The following XKR6 variants were observed in gnomAD, a reference collection of about 807,000 sequenced individuals.
XKR6 encodes the protein XK-related protein 6.
A neutral mutation model predicts 56.7 loss-of-function variants in XKR6; 22 were observed. The ratio of observed to expected loss-of-function variants is 0.39; its 90% CI spans 0.28 to 0.55. The LOEUF (loss-of-function observed/expected upper bound fraction) is 0.55, where lower values mean the gene tolerates loss of function less well. Among genes scored for constraint, XKR6 ranks in the 20% least tolerant of loss-of-function variants. The probability of loss-of-function intolerance (pLI) is 0.66; values close to 1 mark genes in which losing one functional copy is unlikely to be tolerated. For synonymous variants in XKR6, 524 were observed against 387.8 expected, an observed-to-expected ratio of 1.35 and a Z score of -4.13; for missense variants, 852 against 889.0, an observed-to-expected ratio of 0.96 and a Z score of 0.53.
At chr8:11,174,288 C>A (rs576163303) in intron 1 of XKR6, among the ~76,000 whole-genome samples, 2 of 152,344 alleles carry the variant, frequency 1.3e-5, no homozygotes, top group South Asian at 2.1e-4. Flanking sequence ...CCTCTCTCTT[C>A]CAGATGGCAA....
At chr8:11,109,941 T>A (rs1360426277) in intron 1 of XKR6, among the ~76,000 whole-genome samples, 2 of 152,192 alleles carry the variant, frequency 1.3e-5, no homozygotes, top group Non-Finnish European at 2.9e-5. Context: ...TTAACGTGAC[T>A]TTTAAAAACC....
chr8:11,046,270 C>G (rs901382921), intron 1 of XKR6, among the ~76,000 whole-genome samples: 7 of 152,044 alleles, frequency 4.6e-5, no homozygotes, highest in Admixed American at 3.9e-4. Flanking sequence ...CATGGTGGCA[C>G]GTGCCTGTAA....
intron 1 of XKR6, chr8:11,124,940 T>A (rs1473589223): frequency 2.0e-3 from 284 of 145,480 alleles, no homozygotes; most frequent in African/African-American, 6.8e-3. Context: ...AAAAAAAAAA[T>A]TAGCCGGGCG....
chr8:10,983,121 G>A (rs1187954187), intron 1 of XKR6, among the ~76,000 whole-genome samples: 1 of 151,710 alleles, frequency 6.6e-6, no homozygotes, highest in Non-Finnish European at 1.5e-5. Flanking sequence ...AAAAAATAAT[G>A]CAACAAGATA....
intron 1 of XKR6, among the ~76,000 whole-genome samples, chr8:10,992,978 A>T (rs1798027411): frequency 6.6e-6 from 1 of 152,352 alleles, no homozygotes; most frequent in African/African-American, 2.4e-5. Flanking sequence ...GATTCTTCAC[A>T]TGTCTTTTAA....
chr8:11,003,267 A>T (rs968940329), intron 1 of XKR6, among the ~76,000 whole-genome samples: 8 of 152,126 alleles, frequency 5.3e-5, no homozygotes, highest in Non-Finnish European at 1.2e-4. Context: ...GTACAACATC[A>T]TTGTCAACAC....
At position 11,194,962 on chromosome 8, in the gene XKR6, A is replaced by C. The variant is rs536731606; in HGVS notation, c.764+5614T>G. 53 of 539,960 alleles carry C rather than the reference A, an allele frequency of 9.8e-5. No homozygotes were observed. The South Asian group carries it at 1.4e-3, about 14-fold the overall frequency. 33.4% of individuals were successfully genotyped at this position (539,960 alleles called of 1,614,324 possible). A position where few individuals can be genotyped will look rare whatever the true frequency, so the allele number is the denominator to read the frequency against. ...CCATTTTTTCATCCCCTTCCCTTGA[A>C]AATTTACCATAAATGTCAAGTTTTT... On this transcript the variant is annotated intron_variant, in intron 1 of 2. Coordinates refer to ENST00000416569, the MANE Select transcript of XKR6 (RefSeq NM_173683.4).
At chr8:10,967,743 C>G (rs1802269225) in intron 1 of XKR6, among the ~76,000 whole-genome samples, 1 of 152,226 alleles carries the variant, frequency 6.6e-6, no homozygotes, top group Non-Finnish European at 1.5e-5. Context: ...GGCAAAGGAC[C>G]TACAGCGACG....
At chr8:11,146,006 A>G (rs978721160) in intron 1 of XKR6, among the ~76,000 whole-genome samples, 1 of 152,180 alleles carries the variant, frequency 6.6e-6, no homozygotes, top group Non-Finnish European at 1.5e-5. Context: ...AAAAAGGACA[A>G]TGGAACAGAA....
At chr8:11,082,350 G>A (rs1017992386) in intron 1 of XKR6, among the ~76,000 whole-genome samples, 1 of 152,180 alleles carries the variant, frequency 6.6e-6, no homozygotes, top group African/African-American at 2.4e-5. Flanking sequence ...AGCAAGAGTT[G>A]GTCAATTTTG....
intron 2 of XKR6, among the ~76,000 whole-genome samples, chr8:10,913,842 G>A (rs945663793): frequency 2.6e-5 from 4 of 152,224 alleles, no homozygotes; most frequent in Non-Finnish European, 2.9e-5. Flanking sequence ...TGAGGGTGAC[G>A]GGTGTGGAAA....
intron 1 of XKR6, among the ~76,000 whole-genome samples, chr8:11,144,119 G>T (rs993567409): frequency 1.3e-5 from 2 of 151,962 alleles, no homozygotes; most frequent in African/African-American, 2.4e-5. Flanking sequence ...CATACTGGGG[G>T]TCAGGGCTTC....
chr8:11,184,435 T>C (rs1733835084), intron 1 of XKR6, among the ~76,000 whole-genome samples: 3 of 151,826 alleles, frequency 2.0e-5, no homozygotes, highest in African/African-American at 7.3e-5. Flanking sequence ...ATTACATTTA[T>C]TAGTAACCTA....
chr8:11,046,583 C>A (rs1391507690), intron 1 of XKR6, among the ~76,000 whole-genome samples: 4 of 152,124 alleles, frequency 2.6e-5, no homozygotes, highest in African/African-American at 9.7e-5. Context: ...GTGGTTATTA[C>A]ATACAGCAGA....
intron 1 of XKR6, among the ~76,000 whole-genome samples, chr8:11,189,402 T>C (rs1031549465): frequency 1.3e-5 from 2 of 152,226 alleles, no homozygotes; most frequent in Non-Finnish European, 2.9e-5. Context: ...TTAAATGTCT[T>C]TCCTGCATTC....
In XKR6 at chr8:11,113,032, C is replaced by G. The variant is rs182304602; in HGVS notation, c.764+87544G>C. Among the ~76,000 whole-genome samples, 66 of 152,222 alleles carry G rather than the reference C, an allele frequency of 4.3e-4. 1 individual carries two copies. In the Middle Eastern group the frequency reaches 0.017, roughly 39 times the overall value. On this transcript the variant is annotated intron_variant, in intron 1 of 2. Transcript: ENST00000416569. ...GACTTTTAAAAAATGATGATGTTTT[C>G]AGTTCCTTACAATTTGCCTTCTGTA...
intron 1 of XKR6, among the ~76,000 whole-genome samples, chr8:10,952,841 C>T (rs1233703413): frequency 1.3e-5 from 2 of 152,152 alleles, no homozygotes; most frequent in Non-Finnish European, 2.9e-5. Context: ...GTTAGGAACC[C>T]AGCTGCACAG....
intron 1 of XKR6, among the ~76,000 whole-genome samples, chr8:11,190,204 A>AAAGAAAGAAAGAAAGAAAG (rs746304600): frequency 8.3e-6 from 1 of 120,924 alleles, no homozygotes; most frequent in African/African-American, 3.7e-5. Context: ...AGAAAGAAAG[A>AAAGAAAGAAAGAAAGAAAG]AAAGAAAGAA....
chr8:10,952,534 G>C (rs554152135), intron 1 of XKR6, among the ~76,000 whole-genome samples: 1 of 152,168 alleles, frequency 6.6e-6, no homozygotes, highest in Non-Finnish European at 1.5e-5. Context: ...GCTCACTGCA[G>C]CCTCGAACTT....
Sources: allele counts gnomAD v4.1 joint callset (sites outside exome capture counted in the v4.1 genomes callset), GRCh38; gene constraint gnomAD v4.1.1; transcripts MANE v1.5; gene names NCBI Gene and HGNC (gene_info 2026-07-23, HGNC 2026-07-21).